Variants in HK2 observed in about 807,000 individuals in gnomAD.
The protein encoded by HK2 is hexokinase-2.
A neutral mutation model predicts 92.9 loss-of-function variants in HK2; 42 were observed. The observed-to-expected ratio is 0.45, with a 90% CI of 0.35 to 0.58. HK2 has a LOEUF of 0.58. Ranked by LOEUF, HK2 falls within the 20% of genes least tolerant of loss-of-function variation. The pLI is 0.00. For missense variants in HK2, 978 were observed against 1,245.1 expected, an observed-to-expected ratio of 0.79 and a Z score of 3.23; for synonymous variants, 422 against 468.0, an observed-to-expected ratio of 0.90 and a Z score of 1.27.
intron 2 of HK2, among the ~76,000 whole-genome samples, chr2:74,862,492 T>C (rs1448728380): frequency 1.3e-5 from 2 of 152,096 alleles, no homozygotes; most frequent in Admixed American, 1.3e-4. Context: ...ACAAAACAAT[T>C]AGAGATATCG....
chr2:74,882,680 C>T (rs1689433371), intron 12 of HK2, among the ~76,000 whole-genome samples: 1 of 143,610 alleles, frequency 7.0e-6, no homozygotes, highest in Admixed American at 7.1e-5. Flanking sequence ...CCTGCATTAT[C>T]TCGTTTAACC....
At chr2:74,855,401 GCT>G (rs1006876614) in intron 2 of HK2, among the ~76,000 whole-genome samples, 3 of 152,036 alleles carry the variant, frequency 2.0e-5, no homozygotes, top group African/African-American at 7.3e-5. Flanking sequence ...ATGGAGTCTC[GCT>G]CTGTCACCCA....
intron 16 of HK2, 62 bp downstream of exon 16, chr2:74,888,120 A>G (rs1370819647): frequency 6.4e-7 from 1 of 1,557,160 alleles, no homozygotes; most frequent in Non-Finnish European, 8.9e-7. Flanking sequence ...TGGCAGACAA[A>G]CTGAAGGATT....
At position 74,867,788 on chromosome 2, in the gene HK2, T is replaced by C; in HGVS notation, c.375+4T>C. 1.2e-6 allele frequency: 2 copies of C among 1,614,098 alleles called. No homozygotes were observed. The highest frequency in any genetic ancestry group is 8.5e-7 in the Non-Finnish European group (1 of 1,179,968). ...CATGCGAGGCAGTGGCACCCAGGTA[T>C]GACCCTTCTCTCAGGGCAGCCCCTG... On this transcript the variant is annotated splice_donor_region_variant and intron_variant, in intron 3 of 17. Transcript: ENST00000290573.
chr2:74,875,300 G>T (rs1689199051), intron 7 of HK2, among the ~76,000 whole-genome samples: 2 of 151,518 alleles, frequency 1.3e-5, no homozygotes, highest in Non-Finnish European at 2.9e-5. Flanking sequence ...AGTCAGTGGT[G>T]GGTAACCCAG....
intron 13 of HK2, among the ~76,000 whole-genome samples, chr2:74,886,086 G>A (rs1455579744): frequency 2.6e-5 from 4 of 152,002 alleles, no homozygotes; most frequent in African/African-American, 9.7e-5. Context: ...GATGGAGCAA[G>A]TGTGCTGGAA....
intron 6 of HK2, 40 bp from the exon 7 acceptor site, chr2:74,874,226 C>A: frequency 6.2e-7 from 1 of 1,612,050 alleles, no homozygotes; most frequent in East Asian, 2.2e-5. Context: ...TGGGAAGGGG[C>A]CGGAGCAGGC....
intron 7 of HK2, among the ~76,000 whole-genome samples, chr2:74,875,898 C>T (rs1401992250): frequency 1.3e-5 from 2 of 152,198 alleles, no homozygotes; most frequent in African/African-American, 4.8e-5. Context: ...CCGGCTTATC[C>T]TTTGACACCC....
At chr2:74,886,216 TA>T in intron 13 of HK2, 77 bp from the exon 14 acceptor site, 1 of 1,008,726 alleles carries the variant, frequency 9.9e-7, no homozygotes, top group South Asian at 1.3e-5. Context: ...TATATACCTG[TA>T]AATCTCCCAT....
intron 1 of HK2, among the ~76,000 whole-genome samples, chr2:74,840,943 G>A (rs1009813907): frequency 2.1e-5 from 3 of 146,034 alleles, no homozygotes; most frequent in African/African-American, 7.8e-5. Context: ...AATCCCCATA[G>A]CTCACTGGAC....
intron 1 of HK2, among the ~76,000 whole-genome samples, chr2:74,836,200 G>A (rs945239144): frequency 2.0e-5 from 3 of 152,170 alleles, no homozygotes; most frequent in African/African-American, 7.2e-5. Context: ...ACACAGTGGA[G>A]CGTCATTAAT....
At chr2:74,874,472 A>G in intron 7 of HK2, 23 bp downstream of exon 7, 1 of 1,576,882 alleles carries the variant, frequency 6.3e-7, no homozygotes, top group African/African-American at 1.4e-5. Context: ...TTCCTGTGCG[A>G]GTGGGCTTGG....
intron 1 of HK2, among the ~76,000 whole-genome samples, chr2:74,840,913 G>C (rs1688300885): frequency 6.7e-6 from 1 of 148,846 alleles, no homozygotes; most frequent in African/African-American, 2.6e-5. Flanking sequence ...AAGCTGTGGG[G>C]GTTGGGATGT....
At chr2:74,850,302 CA>C (rs1467422802) in intron 1 of HK2, among the ~76,000 whole-genome samples, 1 of 152,192 alleles carries the variant, frequency 6.6e-6, no homozygotes. Flanking sequence ...ACTCTTATCA[CA>C]AGTGACAGAA....
At chr2:74,858,986 G>A (rs1213296195) in intron 2 of HK2, among the ~76,000 whole-genome samples, 2 of 152,234 alleles carry the variant, frequency 1.3e-5, no homozygotes. Context: ...AATTAAAAGT[G>A]CAATAGACAT....
intron 2 of HK2, among the ~76,000 whole-genome samples, chr2:74,856,097 G>A (rs917312966): frequency 3.3e-5 from 5 of 152,096 alleles, no homozygotes; most frequent in Non-Finnish European, 7.4e-5. Flanking sequence ...TAAGGGGGAC[G>A]AGATCTCCAG....
At chr2:74,857,943 G>A (rs1202590365) in intron 2 of HK2, among the ~76,000 whole-genome samples, 1 of 152,114 alleles carries the variant, frequency 6.6e-6, no homozygotes, top group African/African-American at 2.4e-5. Context: ...CCCACAGAAG[G>A]CTCGAGGCCT....
intron 10 of HK2, among the ~76,000 whole-genome samples, chr2:74,881,328 G>T (rs1484787936): frequency 6.6e-6 from 1 of 152,226 alleles, no homozygotes; most frequent in Non-Finnish European, 1.5e-5. Flanking sequence ...TCCAGAGACA[G>T]ACTGGGATTT....
Position 74,834,288 on chromosome 2 carries a change from C to T in HK2, c.-293C>T. 1 of 507,768 alleles carries T rather than the reference C, an allele frequency of 2.0e-6. No homozygotes were observed. Among genetic ancestry groups the T allele is most frequent in the Non-Finnish European group, 3.6e-6 (1 of 277,886 alleles). 31.5% of individuals were successfully genotyped at this position (507,768 alleles called of 1,614,324 possible). A position where few individuals can be genotyped will look rare whatever the true frequency, so the allele number is the denominator to read the frequency against. ...CTGAGATTCTTCTCAAGTTGAGCCT[C>T]AGTGATCCTGTGGCCGAAGTTAGCG... On this transcript the variant is annotated 5_prime_UTR_variant, in exon 1 of 18. Coordinates refer to ENST00000290573, the MANE Select transcript of HK2 (RefSeq NM_000189.5). The surrounding 1 kb of genome is among the most constrained non-coding windows in gnomAD (Gnocchi z 4.2).
Sources: allele counts gnomAD v4.1 joint callset (sites outside exome capture counted in the v4.1 genomes callset), GRCh38; gene constraint gnomAD v4.1.1; non-coding constraint Gnocchi (gnomAD v3.1); transcripts MANE v1.5; gene names NCBI Gene and HGNC (gene_info 2026-07-23, HGNC 2026-07-21).